The following DDX52 variants were observed in gnomAD, a reference collection of about 807,000 sequenced individuals.
DDX52 encodes the protein DExD-box helicase 52.
A neutral mutation model predicts 76.1 loss-of-function variants in DDX52; 59 were observed. That is an observed-to-expected ratio of 0.78 (90% confidence interval 0.63 to 0.96). The LOEUF is 0.96. Among genes scored for constraint, DDX52 ranks in the 40% least tolerant of loss-of-function variants. The probability of loss-of-function intolerance (pLI) is 0.00; values close to 1 mark genes in which losing one functional copy is unlikely to be tolerated. For missense variants in DDX52, 707 were observed against 703.9 expected, an observed-to-expected ratio of 1.00 and a Z score of -0.05; for synonymous variants, 231 against 244.1, an observed-to-expected ratio of 0.95 and a Z score of 0.50.
At chr17:37,636,722 CT>C (rs1048189128) in intron 2 of DDX52, among the ~76,000 whole-genome samples, 49 of 152,272 alleles carry the variant, frequency 3.2e-4, no homozygotes, top group African/African-American at 9.9e-4. Context: ...AAGAAATCAC[CT>C]GTTTACAAAT....
intron 6 of DDX52, among the ~76,000 whole-genome samples, chr17:37,627,134 ATCT>A (rs2030422827): frequency 6.6e-6 from 1 of 152,162 alleles, no homozygotes; most frequent in South Asian, 2.1e-4. Flanking sequence ...GGCTCAAGAG[ATCT>A]TCTGGCATCA....
intron 2 of DDX52, among the ~76,000 whole-genome samples, chr17:37,633,948 T>TA (rs2030808408): frequency 6.7e-6 from 1 of 150,066 alleles, no homozygotes; most frequent in Non-Finnish European, 1.5e-5. Flanking sequence ...TCCTTTTTTT[T>TA]TTTTTTTTTT....
chr17:37,643,264 A>T, intron 1 of DDX52, 70 bp downstream of exon 1: 1 of 1,518,954 alleles, frequency 6.6e-7, no homozygotes, highest in Non-Finnish European at 9.0e-7. Flanking sequence ...GGCCTCCCCC[A>T]GCAGCGGGTT....
At chr17:37,615,312 T>G (rs2064411858) in intron 14 of DDX52, among the ~76,000 whole-genome samples, 1 of 152,202 alleles carries the variant, frequency 6.6e-6, no homozygotes, top group East Asian at 1.9e-4. Context: ...CCAAAGCACC[T>G]TAAGCAGGGG....
At position 37,621,122 on chromosome 17, in the gene DDX52, C is replaced by T. The variant is rs1428922570; in HGVS notation, c.1501+5G>A. ...CAGAGGGGAAGGAAAAAAAAGACAA[C>T]TCACCTATCCTGTGGATATATTCCA... is the stretch of plus-strand genomic sequence containing the variant. On this transcript the variant is annotated splice_donor_5th_base_variant and intron_variant, in intron 11 of 14. Transcript: ENST00000617633. 2 of 1,599,384 alleles carry T rather than the reference C, an allele frequency of 1.3e-6. No individual in the cohort carries two copies. The highest frequency in any genetic ancestry group is 8.5e-7 in the Non-Finnish European group (1 of 1,174,460).
rs981181897 is a variant in DDX52, at chr17:37,612,672, T to C, written c.*1624A>G. On this transcript the variant is annotated 3_prime_UTR_variant, in exon 15 of 15. Coordinates refer to ENST00000617633, the MANE Select transcript of DDX52 (RefSeq NM_007010.5). ...TCTATTTGCTCCTTTATCTCTAACA[T>C]TACATTGTAAGGGTAAGGACTGTGT... The C allele has an allele frequency of 1.3e-5, 2 of 152,174 alleles. No individual in the cohort carries two copies. The highest frequency in any genetic ancestry group is 4.8e-5 in the African/African-American group (2 of 41,428). 9.4% of individuals were successfully genotyped at this position (152,174 alleles called of 1,614,324 possible). A position where few individuals can be genotyped will look rare whatever the true frequency, so the allele number is the denominator to read the frequency against.
In DDX52 at chr17:37,612,428, A is replaced by G. The variant is rs564504646; in HGVS notation, c.*1868T>C. Reference sequence around the variant, plus strand: ...TATAGGTTAAGTGTGCAGTGTTTATACAAGTCTACATGTTCCAACTGTCTA... The same window carrying G: ...TATAGGTTAAGTGTGCAGTGTTTATGCAAGTCTACATGTTCCAACTGTCTA... On this transcript the variant is annotated 3_prime_UTR_variant, in exon 15 of 15. Coordinates refer to ENST00000617633, the MANE Select transcript of DDX52 (RefSeq NM_007010.5). 6.6e-6 allele frequency: 1 copy of G among 152,268 alleles called. No individual in the cohort carries two copies. Among genetic ancestry groups the G allele is most frequent in the African/African-American group, 2.4e-5 (1 of 41,538 alleles). 9.4% of individuals were successfully genotyped at this position (152,268 alleles called of 1,614,324 possible). A position where few individuals can be genotyped will look rare whatever the true frequency, so the allele number is the denominator to read the frequency against.
chr17:37,628,297 G>A (rs2030491573), intron 6 of DDX52, among the ~76,000 whole-genome samples: 1 of 152,088 alleles, frequency 6.6e-6, no homozygotes, highest in African/African-American at 2.4e-5. Context: ...CCCCAGTTGT[G>A]ACAACTACAA....
At position 37,611,985 on chromosome 17, in the gene DDX52, A is replaced by C. The variant is rs2064372909; in HGVS notation, c.*2311T>G. 6.7e-6 allele frequency: 1 copy of C among 149,282 alleles called. No individual in the cohort carries two copies. Among genetic ancestry groups the C allele is most frequent in the African/African-American group, 2.4e-5 (1 of 41,004 alleles). The allele number at this position is 149,282 out of a possible 1,614,324, so 9.2% of individuals were successfully genotyped here. ...AAAAAAAAAAAAAACAAAACAAAAA[A>C]ACTCATAAAGTAAAAGTTACAGTAA... On this transcript the variant is annotated 3_prime_UTR_variant, in exon 15 of 15. Transcript: ENST00000617633.
intron 9 of DDX52, among the ~76,000 whole-genome samples, chr17:37,622,994 T>A (rs953418158): frequency 1.3e-5 from 2 of 152,208 alleles, no homozygotes; most frequent in African/African-American, 4.8e-5. Context: ...AAAGCTATAG[T>A]GGTGGAGCTA....
At chr17:37,639,360 T>A in intron 2 of DDX52, 1 of 985,132 alleles carries the variant, frequency 1.0e-6, no homozygotes, top group African/African-American at 1.7e-5. Flanking sequence ...TTTAAAAAAA[T>A]TTTGTTCCCT....
rs941616084 is a variant in DDX52 at position 37,612,785 on chromosome 17, CA to C, written c.*1510del. 1.3e-5 allele frequency: 2 copies of C among 152,092 alleles called. No homozygotes were observed. Among genetic ancestry groups the C allele is most frequent in the African/African-American group, 4.8e-5 (2 of 41,394 alleles). 9.4% of individuals were successfully genotyped at this position (152,092 alleles called of 1,614,324 possible). ...TATCAGGTACAGTGCTAGGTACTCA[CA>C]ATTGGAGACATAATTTTATAGATGA... is the stretch of plus-strand genomic sequence containing the variant. On this transcript the variant is annotated 3_prime_UTR_variant, in exon 15 of 15. Transcript: ENST00000617633.
rs530542597 is a variant in DDX52 at position 37,634,773 on chromosome 17, T to G, written c.287-1355A>C. ...TGTTTTGGTGACTAGATCAGCTGAC[T>G]TAACAGTTTGTATGGGAGAATAAAT... On this transcript the variant is annotated intron_variant, in intron 2 of 14. Coordinates refer to ENST00000617633, the MANE Select transcript of DDX52 (RefSeq NM_007010.5). Among the ~76,000 whole-genome samples, 4 of 152,282 alleles carry G rather than the reference T, an allele frequency of 2.6e-5. No individual in the cohort carries two copies. In the East Asian group the frequency reaches 7.7e-4, roughly 29 times the overall value.
At chr17:37,628,928 G>C (rs560986720) in intron 5 of DDX52, among the ~76,000 whole-genome samples, 1 of 152,278 alleles carries the variant, frequency 6.6e-6, no homozygotes, top group South Asian at 2.1e-4. Context: ...TCAGAATACA[G>C]TACTACTGGC....
chr17:37,625,283 G>A (rs749208123), intron 8 of DDX52, among the ~76,000 whole-genome samples: 35 of 152,024 alleles, frequency 2.3e-4, no homozygotes, highest in Non-Finnish European at 4.4e-4. Flanking sequence ...GTGAGGCACC[G>A]TACCCAACCT....
At chr17:37,639,393 T>A in intron 2 of DDX52, 2 of 989,042 alleles carry the variant, frequency 2.0e-6, no homozygotes, top group Non-Finnish European at 2.4e-6. Flanking sequence ...TGGTACTAAA[T>A]GACCCAAATC....
chr17:37,639,339 A>T, intron 2 of DDX52: 1 of 966,766 alleles, frequency 1.0e-6, no homozygotes. Flanking sequence ...GGCATCGCAA[A>T]GTAGAATAAC....
chr17:37,626,377 C>A (rs2030374983), intron 7 of DDX52, among the ~76,000 whole-genome samples: 1 of 152,092 alleles, frequency 6.6e-6, no homozygotes, highest in South Asian at 2.1e-4. Flanking sequence ...CTCTCTCTTC[C>A]CCATCTGCCA....
intron 7 of DDX52, 84 bp downstream of exon 7, chr17:37,626,704 G>A: frequency 1.4e-6 from 2 of 1,397,754 alleles, no homozygotes; most frequent in South Asian, 2.5e-5. Context: ...AAGCTCCAAA[G>A]ACAAAAAATA....
Sources: allele counts gnomAD v4.1 joint callset (sites outside exome capture counted in the v4.1 genomes callset), GRCh38; gene constraint gnomAD v4.1.1; transcripts MANE v1.5; gene names NCBI Gene and HGNC (gene_info 2026-07-23, HGNC 2026-07-21).